Variants in ZNF276 observed in about 807,000 individuals in gnomAD.
The protein encoded by ZNF276 is centromere protein Z.
Under a neutral mutation model 63.9 loss-of-function variants are expected in ZNF276, and 59 were observed. The ratio of observed to expected loss-of-function variants is 0.92; its 90% CI spans 0.75 to 1.15. The LOEUF (loss-of-function observed/expected upper bound fraction) is 1.15, where lower values mean the gene tolerates loss of function less well. Among genes scored for constraint, ZNF276 ranks in the 50% most tolerant of loss-of-function variants. ZNF276 has a pLI of 0.00. For synonymous variants in ZNF276, 496 were observed against 348.4 expected (o/e 1.42, Z -4.72); for missense variants, 1,084 against 843.8 (o/e 1.28, Z -3.53).
chr16:89,737,395 C>G (rs1189050042), intron 9 of ZNF276, among the ~76,000 whole-genome samples: 1 of 151,952 alleles, frequency 6.6e-6, no homozygotes, highest in Non-Finnish European at 1.5e-5. Flanking sequence ...GTGGGGGGCG[C>G]CTGTAATCCC....
chr16:89,734,385 GC>G (rs1436993682), intron 9 of ZNF276, among the ~76,000 whole-genome samples: 1 of 152,120 alleles, frequency 6.6e-6, no homozygotes, highest in Non-Finnish European at 1.5e-5. Flanking sequence ...GAGTGCAGTG[GC>G]ACCATCTTGG....
chr16:89,731,095 A>G (rs1452020963), intron 6 of ZNF276, among the ~76,000 whole-genome samples: 4 of 152,226 alleles, frequency 2.6e-5, no homozygotes. Flanking sequence ...GTGAGTGGTC[A>G]TTGTGGGAAC....
In ZNF276 at chr16:89,739,042, A is replaced by G; in HGVS notation, c.*796A>G. On this transcript the variant is annotated 3_prime_UTR_variant, in exon 11 of 11. Coordinates refer to ENST00000443381, the MANE Select transcript of ZNF276 (RefSeq NM_001113525.2). Reference sequence around the variant, plus strand: ...GAAACAGGGCTGGTGTGTCCCCCATAGTCTGCATGCTGTGCCGGAACATTC... The same window carrying G: ...GAAACAGGGCTGGTGTGTCCCCCATGGTCTGCATGCTGTGCCGGAACATTC... 1 of 1,614,038 alleles carries G rather than the reference A, an allele frequency of 6.2e-7. No homozygotes were observed. Among genetic ancestry groups the G allele is most frequent in the Middle Eastern group, 1.6e-4 (1 of 6,062 alleles).
At chr16:89,720,876 G>A (rs2061247126), upstream of ZNF276, 2 of 1,354,424 alleles carry the variant, frequency 1.5e-6, no homozygotes, top group Non-Finnish European at 9.5e-7. Context: ...CCGAGCGGGG[G>A]AGGCGGCGGC....
chr16:89,733,892 G>C (rs773379046), intron 8 of ZNF276, 29 bp from the exon 9 acceptor site: 10 of 1,608,826 alleles, frequency 6.2e-6, no homozygotes, highest in African/African-American at 4.0e-5. Context: ...GTGCGGCTCT[G>C]AGGGTCTCTC....
Position 89,738,938 on chromosome 16 carries a change from A to T in ZNF276, c.*692A>T, listed in dbSNP as rs2062044916. On this transcript the variant is annotated 3_prime_UTR_variant, in exon 11 of 11. Coordinates refer to ENST00000443381, the MANE Select transcript of ZNF276 (RefSeq NM_001113525.2). Reference sequence around the variant, plus strand: ...CACCGAGGTATTAACTGCAGCAGAAAAAGACGAGCTTTTGTTATCAGTTCC... The same window carrying T: ...CACCGAGGTATTAACTGCAGCAGAATAAGACGAGCTTTTGTTATCAGTTCC... 6.2e-7 allele frequency: 1 copy of T among 1,614,156 alleles called. No homozygotes were observed. The highest frequency in any genetic ancestry group is 1.3e-5 in the African/African-American group (1 of 74,962).
intron 6 of ZNF276, among the ~76,000 whole-genome samples, chr16:89,730,267 A>G (rs2061603150): frequency 6.6e-6 from 1 of 151,974 alleles, no homozygotes; most frequent in South Asian, 2.1e-4. Context: ...GGGGGTCCCT[A>G]CCCCCAGGCT....
At position 89,739,799 on chromosome 16, in the gene ZNF276, T is replaced by C. The variant is rs2062081157; in HGVS notation, c.*1553T>C. On this transcript the variant is annotated 3_prime_UTR_variant, in exon 11 of 11. Coordinates refer to ENST00000443381, the MANE Select transcript of ZNF276 (RefSeq NM_001113525.2). The stretch of plus-strand genomic sequence containing the variant: ...GCAGTCCCCATGATAGGCCCATTGG[T>C]CCTGGGGTTGACCAGTGAGCCAGTA... 4 of 1,465,562 alleles carry C rather than the reference T, an allele frequency of 2.7e-6. No homozygotes were observed. The East Asian group carries it at 9.9e-5, about 36-fold the overall frequency. The allele number at this position is 1,465,562 out of a possible 1,614,324, so 90.8% of individuals were successfully genotyped here.
chr16:89,737,660 C>G, intron 9 of ZNF276, 146 bp from the exon 10 acceptor site: 5 of 1,475,960 alleles, frequency 3.4e-6, no homozygotes, highest in Non-Finnish European at 3.6e-6. Flanking sequence ...AAACGAGGCC[C>G]TCATAGGCCC....
intron 4 of ZNF276, among the ~76,000 whole-genome samples, chr16:89,724,008 G>A (rs1319912865): frequency 6.6e-6 from 1 of 152,260 alleles, no homozygotes; most frequent in Non-Finnish European, 1.5e-5. Flanking sequence ...GGGCTGAGGG[G>A]ACTGAGGAAG....
At position 89,740,290 on chromosome 16, in the gene ZNF276, A is replaced by C. The variant is rs988162029; in HGVS notation, c.*2044A>C. On this transcript the variant is annotated 3_prime_UTR_variant, in exon 11 of 11. Transcript: ENST00000443381. ...AAGAGGCTCAGGTAGGAGGCCAGGG[A>C]CTTCGAGCACCCACACCAAGGCTGC... The C allele has an allele frequency of 1.6e-6, 1 of 610,136 alleles. No homozygotes were observed. The highest frequency in any genetic ancestry group is 1.8e-5 in the African/African-American group (1 of 54,316). 37.8% of individuals were successfully genotyped at this position (610,136 alleles called of 1,614,324 possible). A position where few individuals can be genotyped will look rare whatever the true frequency, so the allele number is the denominator to read the frequency against.
In ZNF276 at chr16:89,739,954, G is replaced by A. The variant is rs764012333; in HGVS notation, c.*1708G>A. The A allele has an allele frequency of 2.5e-6, 4 of 1,611,696 alleles. No individual in the cohort carries two copies. Among genetic ancestry groups the A allele is most frequent in the East Asian group, 2.2e-5 (1 of 44,822 alleles). On this transcript the variant is annotated 3_prime_UTR_variant, in exon 11 of 11. Coordinates refer to ENST00000443381, the MANE Select transcript of ZNF276 (RefSeq NM_001113525.2). ...CATTTGCAAGATGCCTCTGAAAAGAGCGGCCCTCCGCATTTGTGCCTCAGC... is the reference window on the plus strand; with the variant it reads ...CATTTGCAAGATGCCTCTGAAAAGAACGGCCCTCCGCATTTGTGCCTCAGC...
chr16:89,724,259 G>A lies in ZNF276; in HGVS notation c.1006+550G>A, dbSNP rs545713287. Among the ~76,000 whole-genome samples, 6 of 152,342 alleles carry A rather than the reference G, an allele frequency of 3.9e-5. No homozygotes were observed. The East Asian group carries it at 1.2e-3, about 29-fold the overall frequency. On this transcript the variant is annotated intron_variant, in intron 4 of 10. Coordinates refer to ENST00000443381, the MANE Select transcript of ZNF276 (RefSeq NM_001113525.2). ...GCTGGTGCAGCTGCTCCTGGATGTTGTTTTAGGAGGGCCAGGGCCAGTTTC... is the reference window on the plus strand; with the variant it reads ...GCTGGTGCAGCTGCTCCTGGATGTTATTTTAGGAGGGCCAGGGCCAGTTTC...
At chr16:89,732,189 A>G (rs983983761) in intron 6 of ZNF276, 2 of 152,262 alleles carry the variant, frequency 1.3e-5, no homozygotes, top group African/African-American at 4.8e-5. Context: ...CGATAGACGC[A>G]CACTGGAAGC....
chr16:89,736,463 T>C (rs936797977), intron 9 of ZNF276, among the ~76,000 whole-genome samples: 5 of 152,010 alleles, frequency 3.3e-5, no homozygotes, highest in African/African-American at 1.2e-4. Context: ...TAGCTGGGAC[T>C]ACAGGTGTGT....
At chr16:89,728,548 A>T (rs187089803) in intron 5 of ZNF276, among the ~76,000 whole-genome samples, 1 of 151,864 alleles carries the variant, frequency 6.6e-6, no homozygotes, top group Non-Finnish European at 1.5e-5. Flanking sequence ...GACTACAGGC[A>T]CCCGCCACCA....
chr16:89,723,516 G>A lies in ZNF276; in HGVS notation c.813G>A (p.Leu271=). Reference sequence around the variant, plus strand: ...GGGACAAAGAGACGGCGCCACGGCTGCCCCAGCACCGAGGGTGGAACCCTG... The same window carrying A: ...GGGACAAAGAGACGGCGCCACGGCTACCCCAGCACCGAGGGTGGAACCCTG... ...WPWDKETAPR[L]PQHRGWNPGD... is the part of the protein sequence containing the mutation. Residue 271 remains leucine (L), a synonymous_variant, in exon 4 of 11, where the codon CTG becomes CTA. Coordinates refer to ENST00000443381, the MANE Select transcript of ZNF276 (RefSeq NM_001113525.2). The A allele has an allele frequency of 6.2e-7, 1 of 1,612,876 alleles. No homozygotes were observed.
At position 89,721,806 on chromosome 16, in the gene ZNF276, TC is replaced by T. The variant is rs2061288655; in HGVS notation, c.168del (p.Cys57AlafsTer132). ...TARRAWGPVG[S>X]CGDAGEDGAD... ...GCGGCGCGCCTGGGGCCCGGTGGGG[TC>T]CTGCGGGGACGCGGGCGAGGACGGC... On this transcript the variant is annotated frameshift_variant, in exon 1 of 11. Transcript: ENST00000443381. LOFTEE classifies it high-confidence loss of function. 8.1e-7 allele frequency: 1 copy of T among 1,237,976 alleles called. No individual in the cohort carries two copies. The highest frequency in any genetic ancestry group is 3.3e-5 in the East Asian group (1 of 30,764). The allele number at this position is 1,237,976 out of a possible 1,614,324, so 76.7% of individuals were successfully genotyped here. A position where few individuals can be genotyped will look rare whatever the true frequency, so the allele number is the denominator to read the frequency against.
intron 9 of ZNF276, 46 bp downstream of exon 9, chr16:89,734,084 A>G: frequency 6.4e-7 from 1 of 1,572,334 alleles, no homozygotes; most frequent in Non-Finnish European, 8.7e-7. Flanking sequence ...AGCCAGGGGC[A>G]CGTGACCTGC....
Sources: gnomAD v4.1 joint callset for allele counts (sites outside exome capture counted in the v4.1 genomes callset) on GRCh38, gnomAD v4.1.1 for gene constraint, MANE v1.5 for transcripts, NCBI Gene and HGNC (gene_info 2026-07-23, HGNC 2026-07-21) for gene names.